The following CCDC60 variants were observed in gnomAD, a reference collection of about 807,000 sequenced individuals.
CCDC60 encodes coiled-coil domain-containing protein 60.
Under a neutral mutation model 63.5 loss-of-function variants are expected in CCDC60, and 54 were observed. The ratio of observed to expected loss-of-function variants is 0.85; its 90% CI spans 0.68 to 1.07. The LOEUF (loss-of-function observed/expected upper bound fraction) is 1.07, where lower values mean the gene tolerates loss of function less well. Among genes scored for constraint, CCDC60 ranks in the 50% least tolerant of loss-of-function variants. CCDC60 has a pLI of 0.00. For synonymous variants in CCDC60, 206 were observed against 238.8 expected (o/e 0.86, Z 1.27); for missense variants, 651 against 684.3 (o/e 0.95, Z 0.54).
chr12:119,397,027 G>C (rs1050253938), intron 1 of CCDC60, among the ~76,000 whole-genome samples: 1 of 152,208 alleles, frequency 6.6e-6, no homozygotes, highest in Non-Finnish European at 1.5e-5. Flanking sequence ...TGAAGCTGCA[G>C]ACCTTCACAG....
At chr12:119,460,501 T>C (rs1389164600) in intron 2 of CCDC60, among the ~76,000 whole-genome samples, 1 of 152,252 alleles carries the variant, frequency 6.6e-6, no homozygotes, top group East Asian at 1.9e-4. Context: ...CAGTCAGCTA[T>C]TTTCATCATG....
chr12:119,353,598 C>CTTTTTTTTTTTT (rs71072514), intron 1 of CCDC60, among the ~76,000 whole-genome samples: 17 of 68,250 alleles, frequency 2.5e-4, no homozygotes, highest in Non-Finnish European at 4.0e-4. Context: ...TCTTCTTCTT[C>CTTTTTTTTTTTT]TTTTTTTTTT....
chr12:119,373,537 G>A (rs1351561332), intron 1 of CCDC60, among the ~76,000 whole-genome samples: 3 of 152,064 alleles, frequency 2.0e-5, no homozygotes, highest in African/African-American at 4.8e-5. Context: ...GTCTGTCACC[G>A]TGGTGAGCAA....
At chr12:119,500,307 G>A (rs932232930) in intron 6 of CCDC60, 139 bp downstream of exon 6, 3 of 651,810 alleles carry the variant, frequency 4.6e-6, no homozygotes, top group Non-Finnish European at 8.1e-6. Context: ...AGAGCCACAG[G>A]CTGTTGGATG....
At chr12:119,426,417 G>A (rs753688865) in intron 1 of CCDC60, among the ~76,000 whole-genome samples, 26 of 151,872 alleles carry the variant, frequency 1.7e-4, no homozygotes, top group African/African-American at 4.6e-4. Context: ...CTGCAGTGGC[G>A]CGATCTCAGG....
At chr12:119,452,351 T>C (rs1182227181) in intron 2 of CCDC60, among the ~76,000 whole-genome samples, 1 of 152,230 alleles carries the variant, frequency 6.6e-6, no homozygotes, top group Non-Finnish European at 1.5e-5. Flanking sequence ...TCCAAACTGC[T>C]TTTGCATCTA....
intron 5 of CCDC60, among the ~76,000 whole-genome samples, chr12:119,491,147 A>G (rs1485609889): frequency 1.3e-5 from 2 of 152,204 alleles, no homozygotes; most frequent in Admixed American, 1.3e-4. Flanking sequence ...ACCAATAGGC[A>G]TCTTTCCATG....
At chr12:119,528,276 A>G (rs1370908443) in intron 11 of CCDC60, among the ~76,000 whole-genome samples, 1 of 152,164 alleles carries the variant, frequency 6.6e-6, no homozygotes, top group East Asian at 1.9e-4. Flanking sequence ...CAGTTTACAC[A>G]CATTATATCA....
At chr12:119,413,376 T>C (rs1956640983) in intron 1 of CCDC60, among the ~76,000 whole-genome samples, 1 of 152,224 alleles carries the variant, frequency 6.6e-6, no homozygotes, top group Non-Finnish European at 1.5e-5. Context: ...CCTACTGTTA[T>C]ATCGCTGCAT....
chr12:119,380,113 A>C (rs1955993190), intron 1 of CCDC60, among the ~76,000 whole-genome samples: 1 of 152,212 alleles, frequency 6.6e-6, no homozygotes, highest in African/African-American at 2.4e-5. Flanking sequence ...ATTCTCTAAG[A>C]GATGGCCAAG....
At chr12:119,496,038 C>T (rs771840383) in intron 5 of CCDC60, among the ~76,000 whole-genome samples, 13 of 152,166 alleles carry the variant, frequency 8.5e-5, no homozygotes, top group Non-Finnish European at 1.8e-4. Flanking sequence ...CACTGTGGTA[C>T]TCCAGTGGAC....
At chr12:119,486,676 G>C (rs915027015) in intron 4 of CCDC60, among the ~76,000 whole-genome samples, 1 of 152,132 alleles carries the variant, frequency 6.6e-6, no homozygotes, top group Non-Finnish European at 1.5e-5. Context: ...CAAAGACCTG[G>C]TGGATACAGC....
intron 1 of CCDC60, among the ~76,000 whole-genome samples, chr12:119,346,800 CTTTCT>C (rs1955599569): frequency 2.4e-5 from 3 of 127,230 alleles, no homozygotes; most frequent in Non-Finnish European, 5.4e-5. Context: ...TTCTTTCTTT[CTTTCT>C]TTCTTTCTTT....
chr12:119,446,485 G>T (rs78166673), intron 2 of CCDC60, among the ~76,000 whole-genome samples: 1 of 152,104 alleles, frequency 6.6e-6, no homozygotes, highest in Non-Finnish European at 1.5e-5. Context: ...CCCTGGGGCC[G>T]TACAACTGAA....
chr12:119,468,650 A>C (rs888308019), intron 2 of CCDC60, among the ~76,000 whole-genome samples: 1 of 151,512 alleles, frequency 6.6e-6, no homozygotes, highest in African/African-American at 2.4e-5. Flanking sequence ...ATCAAATCTA[A>C]GATATGCCAC....
intron 3 of CCDC60, among the ~76,000 whole-genome samples, chr12:119,474,263 C>T (rs912071425): frequency 2.0e-5 from 3 of 152,168 alleles, no homozygotes; most frequent in Admixed American, 6.5e-5. Context: ...AGTTGAGAGC[C>T]GTTAGGCTAA....
intron 1 of CCDC60, among the ~76,000 whole-genome samples, chr12:119,353,053 G>T (rs2136155369): frequency 6.6e-6 from 1 of 152,234 alleles, no homozygotes; most frequent in South Asian, 2.1e-4. Context: ...GAAGTTACAG[G>T]AGCATTTGAG....
intron 3 of CCDC60, among the ~76,000 whole-genome samples, chr12:119,477,707 A>G (rs1324171518): frequency 6.6e-6 from 1 of 152,244 alleles, no homozygotes; most frequent in African/African-American, 2.4e-5. Context: ...GCAGAGAGTG[A>G]GAACAGGGAT....
intron 1 of CCDC60, among the ~76,000 whole-genome samples, chr12:119,370,621 G>A (rs1454494896): frequency 6.6e-6 from 1 of 152,204 alleles, no homozygotes; most frequent in Admixed American, 6.5e-5. Context: ...GAACAGCTCT[G>A]ACATCTCACC....
Sources: allele counts gnomAD v4.1 joint callset (sites outside exome capture counted in the v4.1 genomes callset), GRCh38; gene constraint gnomAD v4.1.1; transcripts MANE v1.5; gene names NCBI Gene and HGNC (gene_info 2026-07-23, HGNC 2026-07-21).